Variants in CEP131 observed in about 807,000 individuals in gnomAD.
CEP131 encodes centrosomal protein 131, also known as centrosomal protein of 131 kDa.
Under a neutral mutation model 136.8 loss-of-function variants are expected in CEP131, and 99 were observed. That is an observed-to-expected ratio of 0.72 (90% confidence interval 0.62 to 0.86). The LOEUF (loss-of-function observed/expected upper bound fraction) is 0.86. CEP131 is among the 40% of genes least tolerant of loss of function. The probability of loss-of-function intolerance (pLI) is 0.00; values close to 1 mark genes in which losing one functional copy is unlikely to be tolerated. For missense variants in CEP131, 1,459 were observed against 1,463.0 expected (o/e 1.00, Z 0.04); for synonymous variants, 646 against 612.7 (o/e 1.05, Z -0.80).
At chr17:81,204,103 C>G (rs1417715465) in intron 5 of CEP131, 3 of 155,020 alleles carry the variant, frequency 1.9e-5, no homozygotes, top group Non-Finnish European at 2.9e-5. Flanking sequence ...GAAGGGCCAG[C>G]AGAGAGCAAC....
At chr17:81,206,634 A>G in intron 5 of CEP131, 110 bp downstream of exon 5, 3 of 1,409,266 alleles carry the variant, frequency 2.1e-6, no homozygotes, top group South Asian at 1.4e-5. Flanking sequence ...TCACTCATTC[A>G]TTCATTCCAA....
intron 2 of CEP131, among the ~76,000 whole-genome samples, chr17:81,212,007 C>T (rs1267271522): frequency 2.0e-5 from 3 of 151,002 alleles, no homozygotes; most frequent in African/African-American, 7.3e-5. Context: ...GAAATATACA[C>T]GGCTCTTAAA....
chr17:81,220,007 C>CCTG lies in CEP131; in HGVS notation c.47_49dup (p.Ala16dup). 1 of 1,610,378 alleles carries CCTG rather than the reference C, an allele frequency of 6.2e-7. No homozygotes were observed. Among genetic ancestry groups the CCTG allele is most frequent in the Non-Finnish European group, 8.5e-7 (1 of 1,178,684 alleles). On this transcript the variant is annotated inframe_insertion, in exon 2 of 26. Coordinates refer to ENST00000450824, the MANE Select transcript of CEP131 (RefSeq NM_014984.4). Reference sequence around the variant, plus strand: ...GAGACCTGTCAGACTCAGGTCCACACCTGCTGGGCTGCGCTCCGGGACGCT... The same window carrying CCTG: ...GAGACCTGTCAGACTCAGGTCCACACCTGCTGCTGGGCTGCGCTCCGGGACGCT...
chr17:81,214,796 G>A (rs1214666461), intron 2 of CEP131, among the ~76,000 whole-genome samples: 9 of 151,986 alleles, frequency 5.9e-5, no homozygotes, highest in African/African-American at 1.7e-4. Flanking sequence ...TTTTTGAGAC[G>A]GAATCTCGCT....
rs755773021 is a variant in CEP131 at position 81,190,975 on chromosome 17, C to T, written c.2875G>A (p.Glu959Lys). The part of the protein sequence containing the change: ...SELKGQLGEA[E>K]GENLRLQGLV... ...CCCTGCAGACGCAGATTCTCGCCCT[C>T]GGCCTCCCCAAGCTGGCCCTTCAGC... Residue 959 changes from glutamate (E) to lysine (K), a missense_variant, in exon 23 of 26, where the codon GAG becomes AAG. Glu to Lys is a moderately conservative substitution (Grantham distance 56, BLOSUM62 1). Around this residue, in one of 3 missense-constraint regions of CEP131, gnomAD observed 1,026 missense variants for 964.2 expected, o/e 1.06. Transcript: ENST00000450824. 26 of 1,606,602 alleles carry T rather than the reference C, an allele frequency of 1.6e-5. No individual in the cohort carries two copies. Among genetic ancestry groups the T allele is most frequent in the East Asian group, 4.5e-5 (2 of 44,894 alleles).
In CEP131 at chr17:81,217,293, G is replaced by A. The variant is rs114523658; in HGVS notation, c.177+2587C>T. On this transcript the variant is annotated intron_variant, in intron 2 of 25. Transcript: ENST00000450824. ...AGTTACATCCTGGATGGGGAATCCCGGGACAGCAGGCCGTGGACGCAGGAA... is the reference window on the plus strand; with the variant it reads ...AGTTACATCCTGGATGGGGAATCCCAGGACAGCAGGCCGTGGACGCAGGAA... 9.3e-3 allele frequency among the ~76,000 whole-genome samples: 1,414 copies of A among 152,122 alleles called. 35 individuals are homozygous for A. The highest frequency in any genetic ancestry group is 0.031 in the African/African-American group (1,301 of 41,464).
chr17:81,205,793 G>A (rs537429726), intron 5 of CEP131, among the ~76,000 whole-genome samples: 3 of 152,052 alleles, frequency 2.0e-5, no homozygotes. Context: ...CAGCTGCTCC[G>A]AAGGCTGAAG....
chr17:81,214,519 G>A (rs2146712216), intron 2 of CEP131, among the ~76,000 whole-genome samples: 1 of 152,016 alleles, frequency 6.6e-6, no homozygotes, highest in Non-Finnish European at 1.5e-5. Flanking sequence ...TCACACCATT[G>A]CACTCCAGCC....
Position 81,196,837 on chromosome 17 carries a change from TGGGCAGAGGAG to T in CEP131, c.1774-22_1774-12del. The T allele has an allele frequency of 6.3e-7, 1 of 1,597,782 alleles. No individual in the cohort carries two copies. The highest frequency in any genetic ancestry group is 8.5e-7 in the Non-Finnish European group (1 of 1,173,222). On this transcript the variant is annotated splice_polypyrimidine_tract_variant and intron_variant, in intron 14 of 25. Coordinates refer to ENST00000450824, the MANE Select transcript of CEP131 (RefSeq NM_014984.4). Reference sequence around the variant, plus strand: ...GTCTCGCTGCTGCGCCTGCAGGGTGTGGGCAGAGGAGGGAAGCGCTAGGACCGGTGGGCCTG... The same window carrying T: ...GTCTCGCTGCTGCGCCTGCAGGGTGTGGAAGCGCTAGGACCGGTGGGCCTG...
At chr17:81,220,205 T>C (rs12939525) in intron 1 of CEP131, 132 bp from the exon 2 acceptor site, 280,943 of 646,106 alleles carry the variant, frequency 0.43, 63,528 homozygotes, top group Non-Finnish European at 0.47. Context: ...TCACAACCTA[T>C]GCACCCCTCT....
chr17:81,192,655 G>A, intron 19 of CEP131, 62 bp from the exon 20 acceptor site: 2 of 1,431,530 alleles, frequency 1.4e-6, no homozygotes, highest in Non-Finnish European at 1.9e-6. Context: ...GGATGGGAGA[G>A]GTCAGCGGGT....
chr17:81,199,143 C>T (rs1223278678), intron 10 of CEP131, among the ~76,000 whole-genome samples, 172 bp from the exon 11 acceptor site: 1 of 152,140 alleles, frequency 6.6e-6, no homozygotes, highest in East Asian at 1.9e-4. Flanking sequence ...AGGATGAGTG[C>T]CACCCCTCCC....
chr17:81,197,767 C>T lies in CEP131; in HGVS notation c.1592G>A (p.Ser531Asn). 1.2e-6 allele frequency: 2 copies of T among 1,613,152 alleles called. No individual in the cohort carries two copies. The highest frequency in any genetic ancestry group is 1.1e-5 in the South Asian group (1 of 91,092). ...LSEAKLQSIM[S>N]FLDEMEKSGQ... is the part of the protein sequence containing the mutation. ...AGACTTCTCCATCTCGTCCAAGAAG[C>T]TCATGATGCTTTGTAGCTTGGCCTC... The change falls in exon 13 of 26, where the codon AGC becomes AAC. Residue 531 changes from serine to asparagine, a missense_variant. Physicochemically the swap from Ser to Asn is conservative, Grantham distance 46. Coordinates refer to ENST00000450824, the MANE Select transcript of CEP131 (RefSeq NM_014984.4).
chr17:81,207,723 G>A (rs2062038382), intron 3 of CEP131, among the ~76,000 whole-genome samples: 2 of 151,628 alleles, frequency 1.3e-5, no homozygotes, highest in Admixed American at 6.6e-5. Context: ...AGCCACACCT[G>A]CTGCTGCTCA....
Position 81,203,818 on chromosome 17 carries a change from G to T in CEP131, c.516-211C>A. Reference sequence around the variant, plus strand: ...TCCCAGGACAGGAAAGCTGGACCAGGGGCTCCCACGGGGCAGGGGATAGAA... The same window carrying T: ...TCCCAGGACAGGAAAGCTGGACCAGTGGCTCCCACGGGGCAGGGGATAGAA... On this transcript the variant is annotated intron_variant, in intron 5 of 25. Transcript: ENST00000450824. The surrounding 1 kb of genome is among the most constrained non-coding windows in gnomAD (Gnocchi z 4.6). 1 of 560,006 alleles carries T rather than the reference G, an allele frequency of 1.8e-6. No individual in the cohort carries two copies. The highest frequency in any genetic ancestry group is 3.2e-6 in the Non-Finnish European group (1 of 313,416). The allele number at this position is 560,006 out of a possible 1,614,324, so 34.7% of individuals were successfully genotyped here. A position where few individuals can be genotyped will look rare whatever the true frequency, so the allele number is the denominator to read the frequency against.
In CEP131 at chr17:81,196,708, A is replaced by G. The variant is rs200663059; in HGVS notation, c.1892T>C (p.Ile631Thr). Residue 631 changes from isoleucine (I) to threonine (T), a missense_variant, in exon 15 of 26, where the codon ATT becomes ACT. Ile to Thr is a moderately conservative substitution (Grantham distance 89, BLOSUM62 -1). Transcript: ENST00000450824. ...GCTCCCCGGGCCGCTCACCTGGTCA[A>G]TGAAGGCCAAGTGCCGCTGGATGGT... ...EATIQRHLAF[I>T]DQLIEDKKVL... 7.4e-5 allele frequency: 119 copies of G among 1,605,212 alleles called. 1 individual carries two copies. In the Admixed American group the frequency reaches 1.6e-3, roughly 22 times the overall value.
chr17:81,218,406 C>G (rs939199903), intron 2 of CEP131, among the ~76,000 whole-genome samples: 1 of 152,234 alleles, frequency 6.6e-6, no homozygotes, highest in Non-Finnish European at 1.5e-5. Context: ...GCTTTAGAAA[C>G]AGCGGGAGGG....
chr17:81,220,563 C>T (rs865783039), intron 1 of CEP131, among the ~76,000 whole-genome samples: 3 of 152,246 alleles, frequency 2.0e-5, no homozygotes, highest in South Asian at 2.1e-4. Flanking sequence ...GGCGCGATCT[C>T]GGCTCATTGC....
Position 81,203,345 on chromosome 17 carries a change from C to A in CEP131, c.629+149G>T. ...ACGTGCCCTGACCGAGGTTGGACCC[C>A]ATGCACACTGACCGCATGCCCTGAC... is the stretch of plus-strand genomic sequence containing the variant. On this transcript the variant is annotated intron_variant, in intron 6 of 25. Transcript: ENST00000450824. This position sits in a 1 kb window ranked among gnomAD's most constrained non-coding sequence, Gnocchi z 4.6. 1 of 643,464 alleles carries A rather than the reference C, an allele frequency of 1.6e-6. No homozygotes were observed. Among genetic ancestry groups the A allele is most frequent in the East Asian group, 2.8e-5 (1 of 36,038 alleles). 39.9% of individuals were successfully genotyped at this position (643,464 alleles called of 1,614,324 possible).
Sources: allele counts gnomAD v4.1 joint callset (sites outside exome capture counted in the v4.1 genomes callset), GRCh38; gene constraint gnomAD v4.1.1; regional missense constraint gnomAD v4.1.1; non-coding constraint Gnocchi (gnomAD v3.1); transcripts MANE v1.5; gene names NCBI Gene and HGNC (gene_info 2026-07-23, HGNC 2026-07-21).